The following LCOR variants were observed in gnomAD, a reference collection of about 807,000 sequenced individuals.
LCOR encodes ligand-dependent corepressor.
Under a neutral mutation model 64.4 loss-of-function variants are expected in LCOR, and 14 were observed. That is an observed-to-expected ratio of 0.22 (90% confidence interval 0.14 to 0.34). The LOEUF (loss-of-function observed/expected upper bound fraction) is 0.34, where lower values mean the gene tolerates loss of function less well. LCOR is among the 10% of genes least tolerant of loss of function. The pLI, the probability that LCOR is intolerant of heterozygous loss-of-function variation, is 1.00. For synonymous variants in LCOR, 643 were observed against 642.5 expected (o/e 1.00, Z -0.01); for missense variants, 1,686 against 1,765.3 (o/e 0.96, Z 0.80).
intron 6 of LCOR, among the ~76,000 whole-genome samples, chr10:96,950,276 C>T (rs1282029030): frequency 6.6e-6 from 1 of 152,014 alleles, no homozygotes; most frequent in African/African-American, 2.4e-5. Flanking sequence ...AGTAGTTTTC[C>T]TTTGCTTTTA....
intron 2 of LCOR, among the ~76,000 whole-genome samples, chr10:96,847,261 G>A (rs1262476931): frequency 3.3e-5 from 5 of 150,072 alleles, no homozygotes; most frequent in Admixed American, 6.7e-5. Context: ...GAAAAGAGAA[G>A]CTAGAATTTT....
At position 96,959,651 on chromosome 10, in the gene LCOR, C is replaced by CT. The variant is rs888816824; in HGVS notation, c.332+7462dup. 3 of 152,192 alleles carry CT rather than the reference C, an allele frequency of 2.0e-5. No homozygotes were observed. In the South Asian group the frequency reaches 6.2e-4, roughly 32 times the overall value. 9.4% of individuals were successfully genotyped at this position (152,192 alleles called of 1,614,324 possible). Reference sequence around the variant, plus strand: ...AATTATGTTTGTGATGAGCTATACACTTTTTTTCTGTTCCCCAAATACCAT... The same window carrying CT: ...AATTATGTTTGTGATGAGCTATACACTTTTTTTTCTGTTCCCCAAATACCAT... On this transcript the variant is annotated intron_variant, in intron 7 of 7. Coordinates refer to ENST00000421806, the MANE Select transcript of LCOR (RefSeq NM_001346516.2).
intron 7 of LCOR, chr10:96,955,014 C>A (rs747315273): frequency 3.1e-6 from 5 of 1,613,946 alleles, no homozygotes; most frequent in Non-Finnish European, 4.2e-6. Context: ...TGGGGTACCT[C>A]CAAGAAGCTT....
intron 4 of LCOR, among the ~76,000 whole-genome samples, chr10:96,914,277 A>C (rs186459083): frequency 2.0e-5 from 3 of 151,964 alleles, no homozygotes; most frequent in Non-Finnish European, 4.4e-5. Flanking sequence ...GGTCACTGCA[A>C]CCTCCACCTC....
At chr10:96,853,924 C>T (rs756219329) in intron 2 of LCOR, among the ~76,000 whole-genome samples, 8 of 152,098 alleles carry the variant, frequency 5.3e-5, no homozygotes, top group Non-Finnish European at 1.2e-4. Context: ...ACCATCAGAT[C>T]TTATAAGACT....
intron 2 of LCOR, among the ~76,000 whole-genome samples, chr10:96,901,507 C>A (rs376706599): frequency 6.6e-6 from 1 of 152,136 alleles, no homozygotes; most frequent in Non-Finnish European, 1.5e-5. Context: ...CTCCAACCCC[C>A]TAGTGCTGCC....
chr10:96,907,623 T>TA (rs754938518), intron 3 of LCOR, 45 bp from the exon 4 acceptor site: 3 of 736,964 alleles, frequency 4.1e-6, no homozygotes, highest in Non-Finnish European at 5.0e-6. Flanking sequence ...TTTATTTTCC[T>TA]AAAAATTCTC....
chr10:96,982,918 C>A lies in LCOR; in HGVS notation c.2458C>A (p.Gln820Lys). 6.2e-7 allele frequency: 1 copy of A among 1,613,712 alleles called. No homozygotes were observed. The highest frequency in any genetic ancestry group is 1.1e-5 in the South Asian group (1 of 90,936). ...GGCCTCTGATAGGTGCCTAAGAAGTCAACTTTCGGATTCTTCCTCTGCTGA... is the reference window on the plus strand; with the variant it reads ...GGCCTCTGATAGGTGCCTAAGAAGTAAACTTTCGGATTCTTCCTCTGCTGA... ...PEASDRCLRS[Q>K]LSDSSSADRC... Residue 820 changes from glutamine to lysine, a missense_variant, in exon 8 of 8, where the codon CAA (glutamine) becomes AAA (lysine). Coordinates refer to ENST00000421806, the MANE Select transcript of LCOR (RefSeq NM_001346516.2).
At chr10:96,915,036 G>C (rs1846913461) in intron 4 of LCOR, among the ~76,000 whole-genome samples, 1 of 152,126 alleles carries the variant, frequency 6.6e-6, no homozygotes, top group Non-Finnish European at 1.5e-5. Flanking sequence ...TTGTGCCATG[G>C]TGCCCACGTG....
chr10:96,922,938 T>G (rs927277633), intron 4 of LCOR, among the ~76,000 whole-genome samples: 1 of 152,214 alleles, frequency 6.6e-6, no homozygotes, highest in African/African-American at 2.4e-5. Context: ...TGGTTTTCTA[T>G]TCATTAACTT....
chr10:96,833,222 T>C (rs1310847329), intron 1 of LCOR, 184 bp from the exon 2 acceptor site: 1 of 979,576 alleles, frequency 1.0e-6, no homozygotes, highest in Admixed American at 6.2e-5. Flanking sequence ...CTCCCGGGGA[T>C]TGGCCGGAGC....
chr10:96,941,638 TC>T (rs1847481509), intron 4 of LCOR, among the ~76,000 whole-genome samples: 1 of 148,712 alleles, frequency 6.7e-6, no homozygotes, highest in Non-Finnish European at 1.5e-5. Flanking sequence ...GCTCCTCACT[TC>T]CCAGACGGGG....
intron 2 of LCOR, among the ~76,000 whole-genome samples, chr10:96,883,816 C>A (rs1221413896): frequency 6.6e-6 from 1 of 151,982 alleles, no homozygotes; most frequent in Non-Finnish European, 1.5e-5. Context: ...ATGGTAGTTT[C>A]TTTTTAATTA....
chr10:96,954,692 A>G (rs1847736777), intron 7 of LCOR, among the ~76,000 whole-genome samples: 1 of 152,058 alleles, frequency 6.6e-6, no homozygotes, highest in Non-Finnish European at 1.5e-5. Flanking sequence ...TGTGAACCCA[A>G]CCAGAGACCG....
intron 4 of LCOR, among the ~76,000 whole-genome samples, chr10:96,933,764 C>T (rs915412952): frequency 1.3e-5 from 2 of 152,060 alleles, no homozygotes; most frequent in African/African-American, 2.4e-5. Flanking sequence ...GTGATACACC[C>T]GCCTCAGTTT....
intron 2 of LCOR, among the ~76,000 whole-genome samples, chr10:96,887,423 C>T (rs1008768224): frequency 1.3e-5 from 2 of 151,784 alleles, no homozygotes; most frequent in Non-Finnish European, 2.9e-5. Context: ...ATTAGCCGGG[C>T]GTCGTGGCGG....
intron 2 of LCOR, among the ~76,000 whole-genome samples, chr10:96,843,059 G>A (rs1342224653): frequency 1.3e-5 from 2 of 152,112 alleles, no homozygotes; most frequent in Non-Finnish European, 2.9e-5. Flanking sequence ...TTTTATTGTT[G>A]CCATTGCATG....
At chr10:96,884,906 C>T (rs775073246) in intron 2 of LCOR, among the ~76,000 whole-genome samples, 10 of 152,180 alleles carry the variant, frequency 6.6e-5, no homozygotes, top group East Asian at 1.9e-4. Flanking sequence ...ATTTCTGGTA[C>T]GTGAGGCATT....
chr10:96,951,427 A>T (rs1847676448), intron 6 of LCOR, among the ~76,000 whole-genome samples: 1 of 152,112 alleles, frequency 6.6e-6, no homozygotes, highest in South Asian at 2.1e-4. Context: ...CATTCATAAA[A>T]TTCAGCAATT....
Sources: allele counts gnomAD v4.1 joint callset (sites outside exome capture counted in the v4.1 genomes callset), GRCh38; gene constraint gnomAD v4.1.1; transcripts MANE v1.5; gene names NCBI Gene and HGNC (gene_info 2026-07-23, HGNC 2026-07-21).